CAMKMT: variants seen among roughly 807,000 people sequenced by gnomAD.
CAMKMT encodes calmodulin-lysine N-methyltransferase, also known as CaM KMT.
In CAMKMT, 53 loss-of-function variants were observed where a neutral mutation model predicts 48.0. The ratio of observed to expected loss-of-function variants is 1.10; its 90% CI spans 0.89 to 1.39. CAMKMT has a LOEUF of 1.39. CAMKMT is among the 40% of genes most tolerant of loss of function. CAMKMT has a pLI of 0.00. For missense variants in CAMKMT, 428 were observed against 402.7 expected (o/e 1.06, Z -0.54); for synonymous variants, 165 against 152.3 (o/e 1.08, Z -0.61).
chr2:44,627,966 G>A (rs1672589093), intron 3 of CAMKMT, among the ~76,000 whole-genome samples: 1 of 151,976 alleles, frequency 6.6e-6, no homozygotes, highest in Admixed American at 6.6e-5. Flanking sequence ...GCCTCCCAGA[G>A]TGCTGGGATT....
chr2:44,435,244 C>T (rs1488911865), intron 3 of CAMKMT, among the ~76,000 whole-genome samples: 1 of 152,068 alleles, frequency 6.6e-6, no homozygotes, highest in African/African-American at 2.4e-5. Flanking sequence ...TAATGTACTT[C>T]ATTTTTATAA....
intron 3 of CAMKMT, among the ~76,000 whole-genome samples, chr2:44,681,540 C>CTT (rs3055007): frequency 5.1e-5 from 7 of 137,510 alleles, no homozygotes; most frequent in African/African-American, 8.1e-5. Context: ...CTCTTACCAG[C>CTT]TTTTTTTTTT....
intron 3 of CAMKMT, among the ~76,000 whole-genome samples, chr2:44,469,113 A>G (rs544687334): frequency 6.6e-6 from 1 of 152,278 alleles, no homozygotes; most frequent in African/African-American, 2.4e-5. Flanking sequence ...CTAGTGTTCT[A>G]CAGCACTGTA....
rs550282870 is a variant in CAMKMT, at chr2:44,674,047, A to G, written c.377-30236A>G. 2.0e-4 allele frequency among the ~76,000 whole-genome samples: 30 copies of G among 152,304 alleles called. No individual in the cohort carries two copies. In the South Asian group the frequency reaches 4.6e-3, roughly 23 times the overall value. ...AACCTTCAAAATTACCTAAAGAAAA[A>G]AAGAAGTTTGCTTAATTTCCCCTGT... On this transcript the variant is annotated intron_variant, in intron 3 of 10. Transcript: ENST00000378494.
chr2:44,484,081 GCCTAAGT>G (rs1406389031), intron 3 of CAMKMT, among the ~76,000 whole-genome samples: 2 of 152,104 alleles, frequency 1.3e-5, no homozygotes, highest in African/African-American at 4.8e-5. Flanking sequence ...AGAAATGAGT[GCCTAAGT>G]CCTAATGGGG....
chr2:44,648,447 T>G (rs999740262), intron 3 of CAMKMT, among the ~76,000 whole-genome samples: 1 of 152,240 alleles, frequency 6.6e-6, no homozygotes, highest in Admixed American at 6.5e-5. Context: ...ATATTTTGCC[T>G]GTCATGGAGA....
intron 7 of CAMKMT, among the ~76,000 whole-genome samples, chr2:44,731,634 C>T (rs1335593176): frequency 6.6e-6 from 1 of 152,106 alleles, no homozygotes; most frequent in Non-Finnish European, 1.5e-5. Context: ...TTTTGTTTTT[C>T]AGATTGAAAC....
chr2:44,466,209 A>G (rs375961062), intron 3 of CAMKMT, among the ~76,000 whole-genome samples: 13 of 152,344 alleles, frequency 8.5e-5, no homozygotes, highest in African/African-American at 2.4e-4. Context: ...ACTCCACTCA[A>G]CAACAGCATA....
chr2:44,363,002 G>A (rs755501184), intron 1 of CAMKMT, among the ~76,000 whole-genome samples: 11 of 152,184 alleles, frequency 7.2e-5, no homozygotes, highest in Non-Finnish European at 1.6e-4. Flanking sequence ...TCTGACAGTT[G>A]TGTTTGGAAA....
chr2:44,590,896 T>G (rs576808598), intron 3 of CAMKMT, among the ~76,000 whole-genome samples: 39 of 151,882 alleles, frequency 2.6e-4, no homozygotes, highest in African/African-American at 8.7e-4. Flanking sequence ...GGTCTAACGT[T>G]TAAGTCTTTA....
At chr2:44,404,636 G>A (rs963794539) in intron 3 of CAMKMT, among the ~76,000 whole-genome samples, 6 of 152,006 alleles carry the variant, frequency 3.9e-5, no homozygotes, top group Non-Finnish European at 8.8e-5. Flanking sequence ...TTTCCTACCA[G>A]CTAATGCTAG....
chr2:44,685,940 T>G (rs1235490588), intron 3 of CAMKMT, among the ~76,000 whole-genome samples: 1 of 152,200 alleles, frequency 6.6e-6, no homozygotes, highest in Non-Finnish European at 1.5e-5. Flanking sequence ...TTTTAACACT[T>G]CAATCTGATA....
intron 1 of CAMKMT, among the ~76,000 whole-genome samples, chr2:44,363,214 G>A (rs910950595): frequency 2.6e-5 from 4 of 152,114 alleles, no homozygotes; most frequent in African/African-American, 9.7e-5. Flanking sequence ...TAATGATCTG[G>A]TTTTGCTATT....
chr2:44,518,475 G>C (rs1243870346), intron 3 of CAMKMT, among the ~76,000 whole-genome samples: 2 of 152,162 alleles, frequency 1.3e-5, no homozygotes, highest in Non-Finnish European at 2.9e-5. Flanking sequence ...ATAATCCAAT[G>C]TAACAATAGA....
chr2:44,438,241 A>G (rs1229603339), intron 3 of CAMKMT, among the ~76,000 whole-genome samples: 4 of 152,216 alleles, frequency 2.6e-5, no homozygotes, highest in African/African-American at 7.2e-5. Context: ...TTTCTCAACT[A>G]TAATACTAGA....
intron 3 of CAMKMT, among the ~76,000 whole-genome samples, chr2:44,484,679 T>C (rs1234395098): frequency 1.8e-5 from 2 of 108,850 alleles, no homozygotes; most frequent in Non-Finnish European, 3.8e-5. Flanking sequence ...GGTAAGGATA[T>C]CTTAAATAGG....
chr2:44,364,011 CT>C (rs10710503), intron 1 of CAMKMT, among the ~76,000 whole-genome samples: 44,559 of 85,376 alleles, frequency 0.52, 10,678 homozygotes, highest in Non-Finnish European at 0.55. Context: ...CCCACCCTTC[CT>C]TTTTTTTTTT....
intron 3 of CAMKMT, among the ~76,000 whole-genome samples, chr2:44,521,854 CTAAAAA>C (rs146164984): frequency 0.5 from 75,930 of 150,904 alleles, 20,008 homozygotes; most frequent in Non-Finnish European, 0.59. Flanking sequence ...GATTCTGTCT[CTAAAAA>C]TAAAAATAAA....
intron 3 of CAMKMT, among the ~76,000 whole-genome samples, chr2:44,686,409 A>C (rs907407244): frequency 6.7e-6 from 1 of 148,936 alleles, no homozygotes; most frequent in South Asian, 2.1e-4. Flanking sequence ...AAAAAAAAAC[A>C]AAACAAAAAA....
Sources: allele counts gnomAD v4.1 joint callset (sites outside exome capture counted in the v4.1 genomes callset), GRCh38; gene constraint gnomAD v4.1.1; transcripts MANE v1.5; gene names NCBI Gene and HGNC (gene_info 2026-07-23, HGNC 2026-07-21).